NKAIN2: variants seen among roughly 807,000 people sequenced by gnomAD.
The protein encoded by NKAIN2 is sodium/potassium transporting ATPase interacting 2.
NKAIN2 carries 14 observed loss-of-function variants against 32.6 expected under a neutral mutation model. The observed-to-expected ratio is 0.43, with a 90% CI of 0.28 to 0.67. The LOEUF (loss-of-function observed/expected upper bound fraction) is 0.67, where lower values mean the gene tolerates loss of function less well. NKAIN2 is among the 30% of genes least tolerant of loss of function. The probability of loss-of-function intolerance (pLI) is 0.17; values close to 1 mark genes in which losing one functional copy is unlikely to be tolerated. For missense variants in NKAIN2, 198 were observed against 258.3 expected (o/e 0.77, Z 1.60); for synonymous variants, 80 against 87.2 (o/e 0.92, Z 0.46).
chr6:124,252,113 T>C (rs1456834130), intron 1 of NKAIN2, among the ~76,000 whole-genome samples: 2 of 152,022 alleles, frequency 1.3e-5, no homozygotes, highest in Non-Finnish European at 2.9e-5. Flanking sequence ...ACAGCATGTG[T>C]GCAGGTATGT....
chr6:124,107,326 A>G (rs1488906368), intron 1 of NKAIN2, among the ~76,000 whole-genome samples: 1 of 152,154 alleles, frequency 6.6e-6, no homozygotes, highest in African/African-American at 2.4e-5. Flanking sequence ...TGTTTTTTAG[A>G]TGGTGTGATT....
chr6:124,521,876 G>C (rs751852875), intron 3 of NKAIN2, among the ~76,000 whole-genome samples: 12 of 151,904 alleles, frequency 7.9e-5, no homozygotes, highest in Admixed American at 7.9e-4. Flanking sequence ...AGATATGTCT[G>C]TTTATGTCTC....
At chr6:124,398,314 A>G (rs1773486226) in intron 3 of NKAIN2, among the ~76,000 whole-genome samples, 1 of 148,694 alleles carries the variant, frequency 6.7e-6, no homozygotes, top group Non-Finnish European at 1.5e-5. Flanking sequence ...CTCAAATCTC[A>G]TTTGCCTTTT....
chr6:123,887,601 C>G (rs1304352609), intron 1 of NKAIN2, among the ~76,000 whole-genome samples: 1 of 152,086 alleles, frequency 6.6e-6, no homozygotes, highest in Non-Finnish European at 1.5e-5. Context: ...TGCTCATGCT[C>G]TCAACCATTG....
chr6:124,494,997 T>A (rs1273874353), intron 3 of NKAIN2, among the ~76,000 whole-genome samples: 1 of 152,154 alleles, frequency 6.6e-6, no homozygotes, highest in Non-Finnish European at 1.5e-5. Flanking sequence ...ATTAATATTC[T>A]ACAGTCATTG....
chr6:123,936,281 T>G (rs2114536815), intron 1 of NKAIN2, among the ~76,000 whole-genome samples: 1 of 152,284 alleles, frequency 6.6e-6, no homozygotes, highest in Admixed American at 6.5e-5. Flanking sequence ...GCTGTGGAAC[T>G]CGGTCTAATT....
At chr6:124,166,290 T>A (rs1466978352) in intron 1 of NKAIN2, among the ~76,000 whole-genome samples, 1 of 151,882 alleles carries the variant, frequency 6.6e-6, no homozygotes, top group Non-Finnish European at 1.5e-5. Flanking sequence ...TTTTTTCATG[T>A]GTTTTTTGGC....
At chr6:124,179,693 C>G (rs913641401) in intron 1 of NKAIN2, among the ~76,000 whole-genome samples, 32 of 152,062 alleles carry the variant, frequency 2.1e-4, no homozygotes, top group Admixed American at 1.6e-3. Context: ...GGATATTGGG[C>G]CTTTTATCCA....
At chr6:124,428,411 A>G (rs922709671) in intron 3 of NKAIN2, among the ~76,000 whole-genome samples, 3 of 152,138 alleles carry the variant, frequency 2.0e-5, no homozygotes, top group Non-Finnish European at 4.4e-5. Flanking sequence ...TGAGAGACCA[A>G]ACTAAGTATA....
intron 5 of NKAIN2, among the ~76,000 whole-genome samples, chr6:124,814,041 C>T (rs1781031427): frequency 6.6e-6 from 1 of 152,222 alleles, no homozygotes; most frequent in Admixed American, 6.5e-5. Context: ...AAAATGTAAG[C>T]TAACCCCAGT....
chr6:124,521,482 G>C (rs1241750878), intron 3 of NKAIN2, among the ~76,000 whole-genome samples: 1 of 151,996 alleles, frequency 6.6e-6, no homozygotes, highest in African/African-American at 2.4e-5. Context: ...ATCTAGCCTT[G>C]TATTTCTCAC....
chr6:124,542,374 T>C (rs900322984), intron 3 of NKAIN2, among the ~76,000 whole-genome samples: 7 of 152,194 alleles, frequency 4.6e-5, no homozygotes, highest in African/African-American at 1.7e-4. Flanking sequence ...TTCTGTAGTT[T>C]TAATGTAAAT....
intron 1 of NKAIN2, among the ~76,000 whole-genome samples, chr6:123,835,815 ACTT>A (rs1434668618): frequency 6.6e-6 from 1 of 152,008 alleles, no homozygotes; most frequent in South Asian, 2.1e-4. Context: ...TGTCCACACT[ACTT>A]AGTGTTTTCT....
intron 1 of NKAIN2, among the ~76,000 whole-genome samples, chr6:124,117,327 A>G (rs1003102048): frequency 6.6e-6 from 1 of 152,108 alleles, no homozygotes; most frequent in Admixed American, 6.6e-5. Context: ...TTCCTAAATG[A>G]TCTGTTTGAT....
At chr6:123,857,053 C>T (rs1295517247) in intron 1 of NKAIN2, among the ~76,000 whole-genome samples, 3 of 151,964 alleles carry the variant, frequency 2.0e-5, no homozygotes, top group Non-Finnish European at 4.4e-5. Flanking sequence ...GTATAATACT[C>T]TTAATCTTTT....
At chr6:123,921,477 G>A (rs988357637) in intron 1 of NKAIN2, among the ~76,000 whole-genome samples, 2 of 152,220 alleles carry the variant, frequency 1.3e-5, no homozygotes, top group South Asian at 2.1e-4. Context: ...TAGGCATTGT[G>A]CCAGATGTTC....
At chr6:124,087,247 C>A (rs1784226582) in intron 1 of NKAIN2, among the ~76,000 whole-genome samples, 1 of 151,802 alleles carries the variant, frequency 6.6e-6, no homozygotes, top group Non-Finnish European at 1.5e-5. Context: ...AAACTCTCAG[C>A]AAAGTAGGAA....
intron 1 of NKAIN2, among the ~76,000 whole-genome samples, chr6:124,019,883 T>C (rs1780789260): frequency 6.6e-6 from 1 of 152,170 alleles, no homozygotes; most frequent in Admixed American, 6.5e-5. Flanking sequence ...ATAAGACATA[T>C]TATATCTTGA....
chr6:124,577,336 C>G (rs1458492144), intron 3 of NKAIN2, among the ~76,000 whole-genome samples: 1 of 152,138 alleles, frequency 6.6e-6, no homozygotes. Context: ...TTGCTGTCAC[C>G]ACCCCTCCTG....
Sources: gnomAD v4.1 joint callset for allele counts (sites outside exome capture counted in the v4.1 genomes callset) on GRCh38, gnomAD v4.1.1 for gene constraint, MANE v1.5 for transcripts, NCBI Gene and HGNC (gene_info 2026-07-23, HGNC 2026-07-21) for gene names.